OR2L13: variants seen among roughly 807,000 people sequenced by gnomAD.
OR2L13 encodes the protein olfactory receptor family 2 subfamily L member 13, also known as olfactory receptor 2L13.
A neutral mutation model predicts 15.3 loss-of-function variants in OR2L13; 14 were observed. The ratio of observed to expected loss-of-function variants is 0.91; its 90% CI spans 0.60 to 1.43. The LOEUF is 1.43. Ranked by LOEUF, OR2L13 falls within the 40% of genes most tolerant of loss-of-function variation. The pLI is 0.00. For synonymous variants in OR2L13, 152 were observed against 142.9 expected (o/e 1.06, Z -0.45); for missense variants, 367 against 387.9 (o/e 0.95, Z 0.45).
rs773196935 is a variant in OR2L13 at position 248,100,034 on chromosome 1, TC to T, written c.661del (p.Leu221TyrfsTer24). 3.7e-6 allele frequency: 6 copies of T among 1,614,148 alleles called. No homozygotes were observed. In the Admixed American group the frequency reaches 8.3e-5, roughly 22 times the overall value. On this transcript the variant is annotated frameshift_variant, in exon 3 of 3. Coordinates refer to ENST00000641714, the Ensembl canonical transcript of OR2L13. LOFTEE classifies it high-confidence loss of function. ...GGCATCACTTCTTCCTGTGGCCGAG[TC>T]CTATTTGCTGTCTATCATATGCACT...
At chr1:247,987,645 A>G in the OR2L13 span, among the ~76,000 whole-genome samples, 1 of 152,136 alleles carries the variant, frequency 6.6e-6, no homozygotes, top group African/African-American at 2.4e-5. Flanking sequence ...AAAATTTCTT[A>G]CCAGTCTTGC....
chr1:248,038,360 T>A, the OR2L13 span: 1 of 1,613,510 alleles, frequency 6.2e-7, no homozygotes, highest in East Asian at 2.2e-5. Context: ...CCCTCATTTT[T>A]CTCATTTTCC....
At chr1:248,072,815 G>A in the OR2L13 span, among the ~76,000 whole-genome samples, 1 of 151,418 alleles carries the variant, frequency 6.6e-6, no homozygotes, top group African/African-American at 2.4e-5. Context: ...AGTGGGCAAA[G>A]CACATGAACA....
chr1:247,963,104 T>C, the OR2L13 span, among the ~76,000 whole-genome samples: 1 of 152,140 alleles, frequency 6.6e-6, no homozygotes, highest in Admixed American at 6.6e-5. Flanking sequence ...AGCAAGTTTA[T>C]TGAAAAGTCA....
the OR2L13 span, among the ~76,000 whole-genome samples, chr1:248,056,203 G>T: frequency 6.6e-6 from 1 of 151,920 alleles, no homozygotes; most frequent in Non-Finnish European, 1.5e-5. Flanking sequence ...TTAAGTTTTA[G>T]GGTACATGTG....
At chr1:248,081,861 A>G in the OR2L13 span, among the ~76,000 whole-genome samples, 3 of 152,174 alleles carry the variant, frequency 2.0e-5, no homozygotes, top group Admixed American at 2.0e-4. Context: ...CTGAAGCTCT[A>G]TATGAAGCAG....
chr1:248,031,851 C>T, the OR2L13 span, among the ~76,000 whole-genome samples: 2 of 151,988 alleles, frequency 1.3e-5, no homozygotes, highest in South Asian at 4.1e-4. Context: ...ATAGGGTACT[C>T]AGTTATAATA....
chr1:248,022,689 A>T, the OR2L13 span: 2 of 1,614,128 alleles, frequency 1.2e-6, no homozygotes, highest in South Asian at 1.1e-5. Flanking sequence ...CACTGTAGTA[A>T]CTTTCTACTA....
the OR2L13 span, among the ~76,000 whole-genome samples, chr1:247,980,618 C>T: frequency 5.3e-5 from 8 of 152,250 alleles, no homozygotes; most frequent in South Asian, 4.1e-4. Flanking sequence ...CATTTCTAAA[C>T]GTTGGACTAA....
chr1:248,012,370 A>T, the OR2L13 span, among the ~76,000 whole-genome samples: 2 of 152,102 alleles, frequency 1.3e-5, no homozygotes, highest in East Asian at 3.9e-4. Flanking sequence ...GCCCAAGTCC[A>T]TGTTAGTTTC....
At chr1:248,057,449 G>A in the OR2L13 span, among the ~76,000 whole-genome samples, 1 of 152,104 alleles carries the variant, frequency 6.6e-6, no homozygotes, top group Non-Finnish European at 1.5e-5. Flanking sequence ...CAGAAACTAG[G>A]ATTGCTACCA....
At chr1:248,016,252 AATT>A in the OR2L13 span, among the ~76,000 whole-genome samples, 1 of 152,210 alleles carries the variant, frequency 6.6e-6, no homozygotes, top group African/African-American at 2.4e-5. Context: ...GTAGAATTGT[AATT>A]ATTATGCTGA....
the OR2L13 span, among the ~76,000 whole-genome samples, chr1:248,066,546 C>A: frequency 2.0e-5 from 3 of 152,150 alleles, no homozygotes; most frequent in South Asian, 4.1e-4. Flanking sequence ...AAGATGAATA[C>A]GTGGACCACA....
At chr1:248,010,538 C>T in the OR2L13 span, among the ~76,000 whole-genome samples, 8 of 151,930 alleles carry the variant, frequency 5.3e-5, no homozygotes, top group Non-Finnish European at 1.2e-4. Context: ...TAAAGTCTCC[C>T]ATTATTATTG....
At chr1:248,085,200 G>A in the OR2L13 span, among the ~76,000 whole-genome samples, 5 of 151,574 alleles carry the variant, frequency 3.3e-5, no homozygotes, top group Non-Finnish European at 4.4e-5. Context: ...CTTGACTGCA[G>A]ACCTCCACTG....
chr1:248,069,780 A>T, the OR2L13 span, among the ~76,000 whole-genome samples: 932 of 152,312 alleles, frequency 6.1e-3, 16 homozygotes, highest in African/African-American at 0.022. Context: ...GCGGAGGAAG[A>T]TCTACCAGGG....
the OR2L13 span, chr1:247,990,988 A>G: frequency 1.9e-4 from 280 of 1,512,212 alleles, 2 homozygotes; most frequent in Middle Eastern, 5.1e-3. Flanking sequence ...TTCGACCTGC[A>G]GCACCCACCT....
At chr1:248,005,680 C>T in the OR2L13 span, among the ~76,000 whole-genome samples, 1 of 152,026 alleles carries the variant, frequency 6.6e-6, no homozygotes, top group African/African-American at 2.4e-5. Flanking sequence ...GATGTTTTCC[C>T]ATTTGTTTGT....
At chr1:247,984,892 C>G in the OR2L13 span, among the ~76,000 whole-genome samples, 1 of 152,082 alleles carries the variant, frequency 6.6e-6, no homozygotes, top group African/African-American at 2.4e-5. Context: ...CTCCCTGTCT[C>G]CCTTCTGCTA....
Sources: allele counts gnomAD v4.1 joint callset (sites outside exome capture counted in the v4.1 genomes callset), GRCh38; gene constraint gnomAD v4.1.1; transcripts MANE v1.5; gene names NCBI Gene and HGNC (gene_info 2026-07-23, HGNC 2026-07-21).